DZIP3: variants seen among roughly 807,000 people sequenced by gnomAD.
DZIP3 encodes DAZ interacting zinc finger protein 3.
A neutral mutation model predicts 162.0 loss-of-function variants in DZIP3; 118 were observed. That is an observed-to-expected ratio of 0.73 (90% CI 0.63 to 0.85). The LOEUF (loss-of-function observed/expected upper bound fraction) is 0.85. Ranked by LOEUF, DZIP3 falls within the 40% of genes least tolerant of loss-of-function variation. DZIP3 has a pLI of 0.00. For missense variants in DZIP3, 1,331 were observed against 1,407.0 expected, an observed-to-expected ratio of 0.95 and a Z score of 0.86; for synonymous variants, 438 against 458.6, an observed-to-expected ratio of 0.96 and a Z score of 0.57.
In DZIP3 at chr3:108,648,926, T is replaced by C; in HGVS notation, c.1971T>C (p.Ser657=). 2 of 1,170,318 alleles carry C rather than the reference T, an allele frequency of 1.7e-6. No homozygotes were observed. The highest frequency in any genetic ancestry group is 2.3e-6 in the Non-Finnish European group (2 of 884,424). The allele number at this position is 1,170,318 out of a possible 1,614,324, so 72.5% of individuals were successfully genotyped here. A position where few individuals can be genotyped will look rare whatever the true frequency, so the allele number is the denominator to read the frequency against. The change falls in exon 17 of 33, where the codon AGT becomes AGC. Residue 657 remains serine (S), a synonymous_variant. Transcript: ENST00000361582. ...AATTTTTTACCTACTAGGTTAAGAG[T>C]AAACAAAGGAAAAAGAAGAAGACTA... ...ESLKDLQEVK[S]KQRKKKKTKN... is the part of the protein sequence containing the mutation.
intron 6 of DZIP3, among the ~76,000 whole-genome samples, chr3:108,625,545 C>A (rs145964057): frequency 1.3e-3 from 191 of 152,246 alleles, no homozygotes; most frequent in African/African-American, 4.3e-3. Context: ...TCAGTGTGCA[C>A]CACCATGCCT....
intron 18 of DZIP3, among the ~76,000 whole-genome samples, chr3:108,653,275 T>C (rs1354346428): frequency 6.6e-6 from 1 of 151,650 alleles, no homozygotes; most frequent in Non-Finnish European, 1.5e-5. Flanking sequence ...CATTTTTTTC[T>C]AGATCTCAAA....
chr3:108,608,199 ATAAT>A lies in DZIP3; in HGVS notation c.102+48_102+51del, dbSNP rs535165616. ...ATTTTCATTAACTGTTAGTTAATTG[ATAAT>A]TAATTATATATGCAAATGCAGTAAT... On this transcript the variant is annotated intron_variant, in intron 3 of 32. Coordinates refer to ENST00000361582, the MANE Select transcript of DZIP3 (RefSeq NM_014648.4). The A allele has an allele frequency of 4.7e-4, 654 of 1,399,564 alleles. 1 individual carries two copies. The highest frequency in any genetic ancestry group is 2.7e-3 in the East Asian group (115 of 42,832). 86.7% of individuals were successfully genotyped at this position (1,399,564 alleles called of 1,614,324 possible).
intron 21 of DZIP3, among the ~76,000 whole-genome samples, chr3:108,665,592 A>G (rs1036416061): frequency 2.2e-4 from 34 of 152,188 alleles, no homozygotes; most frequent in Non-Finnish European, 4.1e-4. Context: ...ATTTGATGAA[A>G]TGTATAAATT....
intron 1 of DZIP3, among the ~76,000 whole-genome samples, chr3:108,590,432 G>GT (rs1241597571): frequency 2.6e-5 from 4 of 152,064 alleles, no homozygotes; most frequent in Non-Finnish European, 4.4e-5. Flanking sequence ...TTTTGGTTTT[G>GT]TTTTTTATAA....
intron 31 of DZIP3, among the ~76,000 whole-genome samples, chr3:108,689,906 G>A (rs1377136257): frequency 1.3e-5 from 2 of 152,164 alleles, no homozygotes; most frequent in African/African-American, 4.8e-5. Context: ...GTCAAGCCAT[G>A]TTTGTAAGAC....
chr3:108,618,464 G>T (rs1211549294), intron 5 of DZIP3, among the ~76,000 whole-genome samples: 5 of 152,154 alleles, frequency 3.3e-5, no homozygotes, highest in South Asian at 2.1e-4. Flanking sequence ...CCATCTTAGG[G>T]CACAGAGGTT....
intron 27 of DZIP3, among the ~76,000 whole-genome samples, chr3:108,685,771 G>A (rs1159429467): frequency 2.0e-5 from 3 of 152,084 alleles, no homozygotes; most frequent in African/African-American, 4.8e-5. Context: ...CACAAAATGC[G>A]AATAATATAG....
rs746674789 is a variant in DZIP3 at position 108,677,610 on chromosome 3, A to G, written c.2883+12A>G. On this transcript the variant is annotated intron_variant, in intron 26 of 32. Coordinates refer to ENST00000361582, the MANE Select transcript of DZIP3 (RefSeq NM_014648.4). ...GTCCTGAGATACTGGTAAGAAATAC[A>G]ACATTTTGAATAATTGCCCTTTTCA... 5.0e-6 allele frequency: 8 copies of G among 1,603,668 alleles called. No homozygotes were observed. The highest frequency in any genetic ancestry group is 6.8e-6 in the Non-Finnish European group (8 of 1,171,056).
Position 108,690,809 on chromosome 3 carries a change from A to T in DZIP3, c.3539A>T (p.Gln1180Leu). The T allele has an allele frequency of 6.2e-7, 1 of 1,614,128 alleles. No individual in the cohort carries two copies. Among genetic ancestry groups the T allele is most frequent in the Non-Finnish European group, 8.5e-7 (1 of 1,179,968 alleles). Residue 1180 changes from glutamine (Q) to leucine (L), a missense_variant, in exon 32 of 33, where the codon CAA becomes CTA. Around this residue, in one of 2 missense-constraint regions of DZIP3, gnomAD observed 53 missense variants for 89.9 expected, o/e 0.59. Transcript: ENST00000361582. Reference protein sequence around the residue: ...HAQCIRPWLMQQGTCPTCRLH... With the variant: ...HAQCIRPWLMLQGTCPTCRLH... ...TAGTGCATTAGACCATGGTTGATGC[A>T]ACAGGGGACATGTCCAACGTGCAGA...
intron 1 of DZIP3, among the ~76,000 whole-genome samples, chr3:108,597,548 T>C (rs1191963993): frequency 2.0e-5 from 3 of 152,168 alleles, no homozygotes. Flanking sequence ...ATCTTCAAGA[T>C]AGGTGCAGAG....
At chr3:108,619,902 T>TAA (rs60881465) in intron 5 of DZIP3, among the ~76,000 whole-genome samples, 15 of 142,794 alleles carry the variant, frequency 1.1e-4, no homozygotes, top group Non-Finnish European at 1.5e-4. Context: ...CAGAACATAT[T>TAA]AAAAAAAAAA....
At chr3:108,659,585 G>A (rs1171053146) in intron 19 of DZIP3, among the ~76,000 whole-genome samples, 2 of 151,772 alleles carry the variant, frequency 1.3e-5, no homozygotes, top group Non-Finnish European at 3.0e-5. Flanking sequence ...CACAAGACAG[G>A]GATGCCCTCT....
intron 12 of DZIP3, among the ~76,000 whole-genome samples, chr3:108,640,319 A>ATTT (rs139619517): frequency 2.2e-5 from 3 of 137,912 alleles, no homozygotes; most frequent in African/African-American, 8.0e-5. Flanking sequence ...TATACTATTC[A>ATTT]TTTTTTTTTT....
intron 32 of DZIP3, among the ~76,000 whole-genome samples, chr3:108,692,924 ATATAT>A (rs1174478339): frequency 6.7e-6 from 1 of 149,354 alleles, no homozygotes; most frequent in Non-Finnish European, 1.5e-5. Flanking sequence ...TAAATACCTA[ATATAT>A]TATTTAATAT....
rs755353282 is a variant in DZIP3, at chr3:108,605,403, C to T, written c.-4C>T. On this transcript the variant is annotated 5_prime_UTR_variant, in exon 2 of 33. Transcript: ENST00000361582. ...AAGATTTTTGTAAAGAAACCTTGTGCAGCATGGATTCTCTACCAGATGAAT... is the reference window on the plus strand; with the variant it reads ...AAGATTTTTGTAAAGAAACCTTGTGTAGCATGGATTCTCTACCAGATGAAT... 2 of 1,613,490 alleles carry T rather than the reference C, an allele frequency of 1.2e-6. No homozygotes were observed. The highest frequency in any genetic ancestry group is 1.7e-6 in the Non-Finnish European group (2 of 1,179,688).
intron 25 of DZIP3, among the ~76,000 whole-genome samples, chr3:108,676,237 C>G (rs1944104468): frequency 6.6e-6 from 1 of 152,020 alleles, no homozygotes; most frequent in South Asian, 2.1e-4. Context: ...TCACTTGAGC[C>G]AGGTGCTCAC....
intron 15 of DZIP3, among the ~76,000 whole-genome samples, chr3:108,647,071 C>T (rs1942655751): frequency 6.6e-6 from 1 of 152,088 alleles, no homozygotes; most frequent in African/African-American, 2.4e-5. Flanking sequence ...ATGATGTGAT[C>T]AAATCACCAC....
chr3:108,669,367 G>T (rs575124071), intron 21 of DZIP3, among the ~76,000 whole-genome samples: 1 of 151,914 alleles, frequency 6.6e-6, no homozygotes, highest in Non-Finnish European at 1.5e-5. Flanking sequence ...TAGTAGGTAA[G>T]CTGAAGCATG....
Sources: gnomAD v4.1 joint callset for allele counts (sites outside exome capture counted in the v4.1 genomes callset) on GRCh38, gnomAD v4.1.1 for gene constraint, gnomAD v4.1.1 regional missense constraint, MANE v1.5 for transcripts, NCBI Gene and HGNC (gene_info 2026-07-23, HGNC 2026-07-21) for gene names.